The following ZNG1A variants were observed in gnomAD, a reference collection of about 807,000 sequenced individuals.
ZNG1A encodes the protein zinc-regulated GTPase metalloprotein activator 1A.
At chr9:124,924 A>T in the ZNG1A span, among the ~76,000 whole-genome samples, 1 of 152,048 alleles carries the variant, frequency 6.6e-6, no homozygotes, top group Admixed American at 6.6e-5. Flanking sequence ...CATTGTATGC[A>T]TATATATCAC....
the ZNG1A span, chr9:153,221 TCA>T: frequency 6.6e-6 from 1 of 152,032 alleles, no homozygotes; most frequent in Non-Finnish European, 1.5e-5. Flanking sequence ...TTCTTAGCAA[TCA>T]CAATGGTGCA....
chr9:127,615 G>C, the ZNG1A span, among the ~76,000 whole-genome samples: 2 of 152,162 alleles, frequency 1.3e-5, no homozygotes, highest in African/African-American at 4.8e-5. Flanking sequence ...TAGTTGGTTG[G>C]TGAATTCTTA....
At chr9:154,462 G>T in the ZNG1A span, 1 of 517,856 alleles carries the variant, frequency 1.9e-6, no homozygotes. Context: ...GGAAAAGAAA[G>T]ATGGAGTGCG....
chr9:139,555 T>C, the ZNG1A span, among the ~76,000 whole-genome samples: 6 of 152,034 alleles, frequency 3.9e-5, no homozygotes, highest in Admixed American at 1.3e-4. Context: ...AAGATACTGA[T>C]GCACAAGAAT....
chr9:153,705 A>G, the ZNG1A span: 8 of 151,542 alleles, frequency 5.3e-5, no homozygotes, highest in Middle Eastern at 6.8e-3. Flanking sequence ...TGGAAAAAAT[A>G]TGAATTTCTT....
At chr9:126,696 GTTTCAA>G in the ZNG1A span, among the ~76,000 whole-genome samples, 2 of 150,856 alleles carry the variant, frequency 1.3e-5, no homozygotes, top group African/African-American at 4.9e-5. Flanking sequence ...TTGTTGTTTT[GTTTCAA>G]TTTCATTTAA....
chr9:166,564 T>C, the ZNG1A span: 1 of 152,638 alleles, frequency 6.6e-6, no homozygotes, highest in East Asian at 1.9e-4. Context: ...TCTGGAAGGA[T>C]ACATAACCCA....
At chr9:122,644 T>G in the ZNG1A span, 1 of 977,644 alleles carries the variant, frequency 1.0e-6, no homozygotes, top group Non-Finnish European at 1.2e-6. Flanking sequence ...CCTATGGGGA[T>G]GAAATTAATT....
At chr9:130,512 G>A in the ZNG1A span, among the ~76,000 whole-genome samples, 1 of 106,718 alleles carries the variant, frequency 9.4e-6, no homozygotes, top group South Asian at 3.6e-4. Context: ...GCTTACTGCA[G>A]CTTTGAACTC....
At chr9:138,249 T>C in the ZNG1A span, among the ~76,000 whole-genome samples, 1 of 151,422 alleles carries the variant, frequency 6.6e-6, no homozygotes, top group Non-Finnish European at 1.5e-5. Flanking sequence ...ATCTCTCAAC[T>C]GAAGACAACT....
the ZNG1A span, among the ~76,000 whole-genome samples, chr9:138,726 C>A: frequency 7.4e-6 from 1 of 135,800 alleles, no homozygotes; most frequent in African/African-American, 3.1e-5. Context: ...TAGCAAGACA[C>A]CATGCTTACA....
chr9:154,462 G>C, the ZNG1A span: 12 of 517,740 alleles, frequency 2.3e-5, no homozygotes, highest in Non-Finnish European at 4.0e-5. Context: ...GGAAAAGAAA[G>C]ATGGAGTGCG....
chr9:125,027 C>T, the ZNG1A span, among the ~76,000 whole-genome samples: 3,749 of 152,124 alleles, frequency 0.025, 112 homozygotes, highest in African/African-American at 0.087. Flanking sequence ...TGCGTGTGCA[C>T]GTATCTTTTT....
the ZNG1A span, among the ~76,000 whole-genome samples, chr9:139,935 C>T: frequency 3.4e-5 from 5 of 148,702 alleles, no homozygotes; most frequent in Admixed American, 3.3e-4. Context: ...ACTCCCACCC[C>T]AATACTGCGC....
the ZNG1A span, chr9:148,699 G>A: frequency 1.3e-4 from 19 of 144,918 alleles, no homozygotes; most frequent in African/African-American, 4.7e-4. Context: ...CTAATTTCTT[G>A]AACTCTCTAT....
At chr9:129,336 A>C in the ZNG1A span, among the ~76,000 whole-genome samples, 4 of 151,990 alleles carry the variant, frequency 2.6e-5, no homozygotes, top group African/African-American at 4.8e-5. Flanking sequence ...AGCAGACTAA[A>C]AAAAGGTTCA....
At chr9:142,917 T>C in the ZNG1A span, among the ~76,000 whole-genome samples, 3 of 113,762 alleles carry the variant, frequency 2.6e-5, no homozygotes, top group African/African-American at 1.2e-4. Flanking sequence ...TACAAACACC[T>C]CTACGCAAAT....
the ZNG1A span, among the ~76,000 whole-genome samples, chr9:173,666 G>A: frequency 6.6e-6 from 1 of 151,820 alleles, no homozygotes; most frequent in Non-Finnish European, 1.5e-5. Context: ...TATCTTGAAG[G>A]CATTTTTTTC....
chr9:161,428 A>G, the ZNG1A span: 1 of 421,230 alleles, frequency 2.4e-6, no homozygotes, highest in Non-Finnish European at 4.2e-6. Context: ...AGATGGTGCC[A>G]CTGCACTCCA....
Sources: allele counts gnomAD v4.1 joint callset (sites outside exome capture counted in the v4.1 genomes callset), GRCh38; gene constraint gnomAD v4.1.1; transcripts MANE v1.5; gene names NCBI Gene and HGNC (gene_info 2026-07-23, HGNC 2026-07-21).